The following NBAS variants were observed in gnomAD, a reference collection of about 807,000 sequenced individuals.
NBAS encodes NAG/BC035112 fusion.
NBAS carries 219 observed loss-of-function variants against 302.5 expected under a neutral mutation model. The observed-to-expected ratio is 0.72, with a 90% CI of 0.65 to 0.81. The LOEUF is 0.81. Ranked by LOEUF, NBAS falls within the 30% of genes least tolerant of loss-of-function variation. NBAS has a pLI of 0.00. For missense variants in NBAS, 2,932 were observed against 2,841.6 expected (o/e 1.03, Z -0.72); for synonymous variants, 1,118 against 1,021.6 (o/e 1.09, Z -1.80).
the NBAS span, among the ~76,000 whole-genome samples, chr2:15,138,386 G>A: frequency 9.9e-5 from 15 of 152,134 alleles, 1 homozygote; most frequent in Non-Finnish European, 2.2e-4. Flanking sequence ...TGCTTGGAAC[G>A]GAGCCTATGA....
At chr2:15,304,201 G>A (rs1670931393) in intron 40 of NBAS, among the ~76,000 whole-genome samples, 2 of 152,166 alleles carry the variant, frequency 1.3e-5, no homozygotes. Flanking sequence ...CGTTCTGGTG[G>A]TAATGAGTGA....
chr2:14,952,612 T>A, the NBAS span, among the ~76,000 whole-genome samples: 1 of 152,166 alleles, frequency 6.6e-6, no homozygotes. Context: ...TTTGGGGCGT[T>A]TTTCATGTCA....
chr2:15,261,784 A>G (rs779565786), intron 44 of NBAS, among the ~76,000 whole-genome samples: 3 of 152,236 alleles, frequency 2.0e-5, no homozygotes, highest in Non-Finnish European at 4.4e-5. Flanking sequence ...ATTGTTATTG[A>G]GCACATACAG....
At chr2:15,046,655 T>G in the NBAS span, among the ~76,000 whole-genome samples, 1 of 152,240 alleles carries the variant, frequency 6.6e-6, no homozygotes, top group Non-Finnish European at 1.5e-5. Context: ...TTATTTTTAG[T>G]TCACTTTTAA....
chr2:15,248,359 C>T (rs1668201643), intron 44 of NBAS, among the ~76,000 whole-genome samples: 1 of 152,058 alleles, frequency 6.6e-6, no homozygotes, highest in Non-Finnish European at 1.5e-5. Context: ...CAAGAAACAC[C>T]TAAAGTTGAC....
chr2:15,198,963 A>G (rs1255756832), intron 48 of NBAS, among the ~76,000 whole-genome samples: 4 of 151,948 alleles, frequency 2.6e-5, no homozygotes, highest in Admixed American at 6.6e-5. Flanking sequence ...CGTCTCTACT[A>G]AAAACACAAA....
the NBAS span, among the ~76,000 whole-genome samples, chr2:14,823,616 C>T: frequency 3.9e-5 from 6 of 152,120 alleles, no homozygotes; most frequent in South Asian, 2.1e-4. Flanking sequence ...TTACATTTTT[C>T]GAAATGATTC....
chr2:15,221,196 T>C (rs557513235), intron 47 of NBAS, among the ~76,000 whole-genome samples: 1 of 152,206 alleles, frequency 6.6e-6, no homozygotes, highest in African/African-American at 2.4e-5. Flanking sequence ...GGGAAGACCG[T>C]TAAAAAAAAT....
At chr2:14,961,135 A>T in the NBAS span, among the ~76,000 whole-genome samples, 1 of 152,126 alleles carries the variant, frequency 6.6e-6, no homozygotes, top group Non-Finnish European at 1.5e-5. Context: ...GCTGCCCCCT[A>T]GTTTCCATGA....
In NBAS at chr2:15,536,447, G is replaced by A. The variant is rs916038298; in HGVS notation, c.618C>T (p.Tyr206=). Reference sequence around the variant, plus strand: ...CAAGGTAACTTCTAAGTTCTCCTCGGTAATTGATGACCAGGAGTTCTGCAG... The same window carrying A: ...CAAGGTAACTTCTAAGTTCTCCTCGATAATTGATGACCAGGAGTTCTGCAG... ...QWSAELLVIN[Y]RGELRSYLVS... is the part of the protein sequence containing the mutation. The change falls in exon 8 of 52, where the codon TAC becomes TAT. Residue 206 remains tyrosine (Y), a synonymous_variant. Transcript: ENST00000281513. 17 of 1,613,278 alleles carry A rather than the reference G, an allele frequency of 1.1e-5. No homozygotes were observed. In the Admixed American group the frequency reaches 1.3e-4, roughly 13 times the overall value.
intron 21 of NBAS, among the ~76,000 whole-genome samples, chr2:15,452,978 T>C (rs1313926783): frequency 6.6e-6 from 1 of 152,202 alleles, no homozygotes; most frequent in East Asian, 1.9e-4. Context: ...AAAAAAATTG[T>C]CACAGGATAC....
chr2:14,851,198 A>T, the NBAS span, among the ~76,000 whole-genome samples: 1 of 135,002 alleles, frequency 7.4e-6, no homozygotes, highest in Non-Finnish European at 1.5e-5. Flanking sequence ...CTAATAAAGA[A>T]AAAAAGAGGG....
chr2:14,922,624 C>T, the NBAS span, among the ~76,000 whole-genome samples: 5 of 152,174 alleles, frequency 3.3e-5, no homozygotes, highest in Non-Finnish European at 7.3e-5. Flanking sequence ...ACCCTTGTGA[C>T]TTTCTTTAAC....
intron 31 of NBAS, among the ~76,000 whole-genome samples, chr2:15,372,948 G>A (rs147493825): frequency 2.0e-5 from 3 of 152,072 alleles, no homozygotes; most frequent in South Asian, 4.2e-4. Context: ...TAAATAAGGA[G>A]GTAAAACACA....
chr2:15,478,967 T>TA (rs1190224025), intron 12 of NBAS, among the ~76,000 whole-genome samples: 1 of 151,932 alleles, frequency 6.6e-6, no homozygotes, highest in African/African-American at 2.4e-5. Flanking sequence ...GGGCAAAGAG[T>TA]AAAAAAATAG....
intron 9 of NBAS, among the ~76,000 whole-genome samples, chr2:15,529,026 C>T (rs1353116648): frequency 1.3e-5 from 2 of 151,434 alleles, no homozygotes; most frequent in African/African-American, 2.4e-5. Flanking sequence ...CAAAGCTAGC[C>T]GCAATAAATA....
chr2:14,896,449 A>G, the NBAS span, among the ~76,000 whole-genome samples: 6 of 152,010 alleles, frequency 3.9e-5, no homozygotes, highest in Admixed American at 1.3e-4. Context: ...TCTCCCTCCT[A>G]CGCCCCCACA....
At chr2:14,798,284 T>C in the NBAS span, among the ~76,000 whole-genome samples, 2 of 152,340 alleles carry the variant, frequency 1.3e-5, no homozygotes, top group South Asian at 2.1e-4. Flanking sequence ...AATTTTCAGA[T>C]ACCTTTTTGA....
chr2:14,955,083 A>G, the NBAS span, among the ~76,000 whole-genome samples: 14 of 152,366 alleles, frequency 9.2e-5, no homozygotes, highest in African/African-American at 3.1e-4. Context: ...CCTAGATACA[A>G]TGGAAGTATA....
Sources: gnomAD v4.1 joint callset for allele counts (sites outside exome capture counted in the v4.1 genomes callset) on GRCh38, gnomAD v4.1.1 for gene constraint, MANE v1.5 for transcripts, NCBI Gene and HGNC (gene_info 2026-07-23, HGNC 2026-07-21) for gene names.